Variants in RAI1 observed in about 807,000 individuals in gnomAD.
RAI1 encodes retinoic acid induced 1.
In RAI1, 9 loss-of-function variants were observed where a neutral mutation model predicts 123.8. The ratio of observed to expected loss-of-function variants is 0.07; its 90% CI spans 0.04 to 0.13. The LOEUF (loss-of-function observed/expected upper bound fraction) is 0.13. Among genes scored for constraint, RAI1 ranks in the 10% least tolerant of loss-of-function variants. The pLI is 1.00. For missense variants in RAI1, 2,256 were observed against 2,545.8 expected, an observed-to-expected ratio of 0.89 and a Z score of 2.45; for synonymous variants, 1,231 against 1,127.3, an observed-to-expected ratio of 1.09 and a Z score of -1.84.
Position 17,811,235 on chromosome 17 carries a change from GTA to G in RAI1, c.*1262_*1263del. 1 of 336,760 alleles carries G rather than the reference GTA, an allele frequency of 3.0e-6. No individual in the cohort carries two copies. The highest frequency in any genetic ancestry group is 2.4e-5 in the South Asian group (1 of 40,896). 20.9% of individuals were successfully genotyped at this position (336,760 alleles called of 1,614,324 possible). ...ATTATATCTGGCCTCGTTATATAGT[GTA>G]TATATATGTATACATATACATATAT... is the stretch of plus-strand genomic sequence containing the variant. On this transcript the variant is annotated 3_prime_UTR_variant, in exon 6 of 6. Coordinates refer to ENST00000353383, the MANE Select transcript of RAI1 (RefSeq NM_030665.4).
At chr17:17,789,517 C>T (rs936655730) in intron 2 of RAI1, among the ~76,000 whole-genome samples, 4 of 152,324 alleles carry the variant, frequency 2.6e-5, no homozygotes, top group Middle Eastern at 6.8e-3. Context: ...GCTGGGGTTT[C>T]GTTGTGCCCC....
In RAI1 at chr17:17,796,139, G is replaced by A. The variant is rs1355505241; in HGVS notation, c.3191G>A (p.Ser1064Asn). Reference protein sequence around the residue: ...RMCTRSLTALSEPRTPGPPGL... With the variant: ...RMCTRSLTALNEPRTPGPPGL... ...TGTACTCGTTCTCTCACGGCCCTGA[G>A]TGAGCCCCGCACGCCCGGACCCCCA... Residue 1064 changes from serine to asparagine, a missense_variant, in exon 3 of 6, where the codon AGT (serine) becomes AAT (asparagine). This residue lies in a region of RAI1 where 566 missense variants were observed against 616.0 expected (regional missense o/e 0.92). Coordinates refer to ENST00000353383, the MANE Select transcript of RAI1 (RefSeq NM_030665.4). This position sits in a 1 kb window ranked among gnomAD's most constrained non-coding sequence, Gnocchi z 5.8. 6 of 1,577,974 alleles carry A rather than the reference G, an allele frequency of 3.8e-6. No homozygotes were observed. Among genetic ancestry groups the A allele is most frequent in the Non-Finnish European group, 4.3e-6 (5 of 1,160,428 alleles).
rs188550584 is a variant in RAI1, at chr17:17,695,793, A to G, written c.-149+14000A>G. On this transcript the variant is annotated intron_variant, in intron 1 of 5. Transcript: ENST00000353383. The stretch of plus-strand genomic sequence containing the variant: ...CACCTTCGCCTCCCTAAGTACTGGG[A>G]TTGCAGGTGTGAGCCACTATGCCCG... 3.0e-3 allele frequency among the ~76,000 whole-genome samples: 462 copies of G among 152,184 alleles called. 2 individuals are homozygous for G. The highest frequency in any genetic ancestry group is 5.2e-3 in the Non-Finnish European group (356 of 67,992).
chr17:17,763,947 G>C (rs1008678733), intron 2 of RAI1, among the ~76,000 whole-genome samples: 1 of 152,262 alleles, frequency 6.6e-6, no homozygotes, highest in Non-Finnish European at 1.5e-5. Context: ...GGCTATTTTC[G>C]TGGCACAGAG....
rs948409967 is a variant in RAI1 at position 17,685,599 on chromosome 17, T to C, written c.-149+3806T>C. ...TCAGAAAGAATGGTGGCGGAAGAGG[T>C]TGGGCTGTTGCTGGGACCTCCTCAC... On this transcript the variant is annotated intron_variant, in intron 1 of 5. Coordinates refer to ENST00000353383, the MANE Select transcript of RAI1 (RefSeq NM_030665.4). The surrounding 1 kb of genome is among the most constrained non-coding windows in gnomAD (Gnocchi z 4.0). 2.6e-5 allele frequency among the ~76,000 whole-genome samples: 4 copies of C among 151,876 alleles called. No homozygotes were observed. Among genetic ancestry groups the C allele is most frequent in the Non-Finnish European group, 5.9e-5 (4 of 67,944 alleles).
At chr17:17,759,328 A>G (rs2030583530) in intron 2 of RAI1, 1 of 152,258 alleles carries the variant, frequency 6.6e-6, no homozygotes, top group Non-Finnish European at 1.5e-5. Flanking sequence ...AAATCAGGAC[A>G]CAAGTTGAGA....
At chr17:17,746,756 C>T (rs113601357) in intron 2 of RAI1, among the ~76,000 whole-genome samples, 5 of 151,926 alleles carry the variant, frequency 3.3e-5, no homozygotes, top group Non-Finnish European at 7.4e-5. Flanking sequence ...CTGCCTCAGC[C>T]TCCCAAGTAG....
chr17:17,772,247 T>C (rs1195224484), intron 2 of RAI1, among the ~76,000 whole-genome samples: 1 of 152,022 alleles, frequency 6.6e-6, no homozygotes, highest in Non-Finnish European at 1.5e-5. Flanking sequence ...GGCTGTGGAG[T>C]CCTGCCAATG....
At position 17,685,436 on chromosome 17, in the gene RAI1, G is replaced by C. The variant is rs536073770; in HGVS notation, c.-149+3643G>C. Reference sequence around the variant, plus strand: ...GGCTTCCTGGAGGAGGGGCCTTTGAGCAGGTGCTTCAGGCACGGCGAGGTA... The same window carrying C: ...GGCTTCCTGGAGGAGGGGCCTTTGACCAGGTGCTTCAGGCACGGCGAGGTA... On this transcript the variant is annotated intron_variant, in intron 1 of 5. Coordinates refer to ENST00000353383, the MANE Select transcript of RAI1 (RefSeq NM_030665.4). This position sits in a 1 kb window ranked among gnomAD's most constrained non-coding sequence, Gnocchi z 4.0. Among the ~76,000 whole-genome samples, 4 of 152,364 alleles carry C rather than the reference G, an allele frequency of 2.6e-5. No individual in the cohort carries two copies. In the East Asian group the frequency reaches 7.7e-4, roughly 29 times the overall value.
chr17:17,742,874 CAG>C (rs1376797358), intron 2 of RAI1, among the ~76,000 whole-genome samples: 1 of 152,232 alleles, frequency 6.6e-6, no homozygotes, highest in African/African-American at 2.4e-5. Context: ...CCCTGGGCTG[CAG>C]AGTGTCCCTT....
In RAI1 at chr17:17,724,147, G is replaced by A. The variant is rs1774529561; in HGVS notation, c.-29G>A. On this transcript the variant is annotated 5_prime_UTR_variant, in exon 2 of 6. Coordinates refer to ENST00000353383, the MANE Select transcript of RAI1 (RefSeq NM_030665.4). ...CAGCGCCGGCGCCCGGGAGACCCAG[G>A]AGGAGCCCGCAGGTATTGTTGGCGG... 1 of 151,932 alleles carries A rather than the reference G, an allele frequency of 6.6e-6. No homozygotes were observed. The highest frequency in any genetic ancestry group is 6.6e-5 in the Admixed American group (1 of 15,244). 9.4% of individuals were successfully genotyped at this position (151,932 alleles called of 1,614,324 possible). A position where few individuals can be genotyped will look rare whatever the true frequency, so the allele number is the denominator to read the frequency against.
intron 1 of RAI1, among the ~76,000 whole-genome samples, chr17:17,706,580 T>G (rs1915401008): frequency 6.6e-6 from 1 of 152,076 alleles, no homozygotes; most frequent in Admixed American, 6.5e-5. Flanking sequence ...GGGGACTGGA[T>G]GGGGGTGGCC....
intron 1 of RAI1, among the ~76,000 whole-genome samples, chr17:17,700,213 C>T (rs985421320): frequency 1.3e-5 from 2 of 152,232 alleles, no homozygotes; most frequent in African/African-American, 4.8e-5. Flanking sequence ...TGGGCCTCCT[C>T]CCTCGTCCTT....
Position 17,800,041 on chromosome 17 carries a change from A to G in RAI1, c.5565+1528A>G, listed in dbSNP as rs547257944. On this transcript the variant is annotated intron_variant, in intron 3 of 5. Coordinates refer to ENST00000353383, the MANE Select transcript of RAI1 (RefSeq NM_030665.4). This position sits in a 1 kb window ranked among gnomAD's most constrained non-coding sequence, Gnocchi z 4.7. Reference sequence around the variant, plus strand: ...TCACTCCACCCTCCACCTCAGAGGAAGGCTGGCCCCGACAGGACTCCTGCA... The same window carrying G: ...TCACTCCACCCTCCACCTCAGAGGAGGGCTGGCCCCGACAGGACTCCTGCA... 3.9e-5 allele frequency among the ~76,000 whole-genome samples: 6 copies of G among 152,222 alleles called. No homozygotes were observed. The East Asian group carries it at 1.2e-3, about 30-fold the overall frequency.
intron 2 of RAI1, among the ~76,000 whole-genome samples, chr17:17,738,148 G>A (rs1391069274): frequency 6.6e-6 from 1 of 152,138 alleles, no homozygotes; most frequent in Non-Finnish European, 1.5e-5. Context: ...GCTCAGGCCA[G>A]TATGGCAGCT....
chr17:17,793,393 A>G lies in RAI1; in HGVS notation c.445A>G (p.Thr149Ala). 1 of 1,613,594 alleles carries G rather than the reference A, an allele frequency of 6.2e-7. No homozygotes were observed. Among genetic ancestry groups the G allele is most frequent in the Non-Finnish European group, 8.5e-7 (1 of 1,179,958 alleles). ...AKYDENLMKK[T>A]AVPPSRQYAE... ...GTATGATGAGAACTTGATGAAAAAG[A>G]CAGCAGTGCCCCCCAGCAGGCAGTA... Residue 149 changes from threonine (T) to alanine (A), a missense_variant, in exon 3 of 6, where the codon ACA becomes GCA. Transcript: ENST00000353383.
chr17:17,801,931 G>A lies in RAI1; in HGVS notation c.5566-1825G>A. Reference sequence around the variant, plus strand: ...GGTTGCTGTGGGCATGAGGCTTCCAGCCATGCCTGGCACATAGGAAGCTAT... The same window carrying A: ...GGTTGCTGTGGGCATGAGGCTTCCAACCATGCCTGGCACATAGGAAGCTAT... On this transcript the variant is annotated intron_variant, in intron 3 of 5. Coordinates refer to ENST00000353383, the MANE Select transcript of RAI1 (RefSeq NM_030665.4). The surrounding 1 kb of genome is among the most constrained non-coding windows in gnomAD (Gnocchi z 4.1). 1 of 393,828 alleles carries A rather than the reference G, an allele frequency of 2.5e-6. No homozygotes were observed. Among genetic ancestry groups the A allele is most frequent in the Non-Finnish European group, 5.1e-6 (1 of 195,016 alleles). The allele number at this position is 393,828 out of a possible 1,614,324, so 24.4% of individuals were successfully genotyped here. A position where few individuals can be genotyped will look rare whatever the true frequency, so the allele number is the denominator to read the frequency against.
chr17:17,720,959 A>G (rs1915861531), intron 1 of RAI1, among the ~76,000 whole-genome samples: 2 of 152,148 alleles, frequency 1.3e-5, no homozygotes, highest in Non-Finnish European at 2.9e-5. Flanking sequence ...AACAAATGAC[A>G]GGCTCTGCCC....
At chr17:17,708,863 C>A (rs1915474870) in intron 1 of RAI1, among the ~76,000 whole-genome samples, 1 of 152,228 alleles carries the variant, frequency 6.6e-6, no homozygotes, top group African/African-American at 2.4e-5. Context: ...CCGGAAACAA[C>A]CAAAACATTC....
Sources: gnomAD v4.1 joint callset for allele counts (sites outside exome capture counted in the v4.1 genomes callset) on GRCh38, gnomAD v4.1.1 for gene constraint, gnomAD v4.1.1 regional missense constraint, Gnocchi (gnomAD v3.1) non-coding constraint, MANE v1.5 for transcripts, NCBI Gene and HGNC (gene_info 2026-07-23, HGNC 2026-07-21) for gene names.